The following ZC3H13 variants were observed in gnomAD, a reference collection of about 807,000 sequenced individuals.
ZC3H13 encodes zinc finger CCCH-type containing 13, also known as zinc finger CCCH domain-containing protein 13.
Under a neutral mutation model 204.1 loss-of-function variants are expected in ZC3H13, and 64 were observed. The ratio of observed to expected loss-of-function variants is 0.31; its 90% CI spans 0.26 to 0.39. The LOEUF is 0.39. ZC3H13 is among the 10% of genes least tolerant of loss of function. The pLI is 1.00. For synonymous variants in ZC3H13, 667 were observed against 693.7 expected (o/e 0.96, Z 0.60); for missense variants, 1,833 against 2,082.7 (o/e 0.88, Z 2.33).
intron 16 of ZC3H13, among the ~76,000 whole-genome samples, chr13:45,964,427 AT>A (rs1455217338): frequency 6.6e-6 from 1 of 152,238 alleles, no homozygotes; most frequent in African/African-American, 2.4e-5. Context: ...GCACACATAC[AT>A]TTTAATTTTT....
intron 12 of ZC3H13, among the ~76,000 whole-genome samples, chr13:45,973,081 A>G (rs1188024073): frequency 1.3e-5 from 2 of 152,258 alleles, no homozygotes; most frequent in African/African-American, 4.8e-5. Flanking sequence ...GCCAATCCAC[A>G]GAATCATGAG....
intron 8 of ZC3H13, among the ~76,000 whole-genome samples, chr13:45,996,748 CAA>C (rs79022953): frequency 1.6e-4 from 8 of 50,530 alleles, no homozygotes; most frequent in Admixed American, 2.0e-4. Flanking sequence ...TGAATATGTA[CAA>C]AAAAAAAAAA....
At chr13:45,988,112 T>C (rs1027414595) in intron 9 of ZC3H13, among the ~76,000 whole-genome samples, 2 of 152,174 alleles carry the variant, frequency 1.3e-5, no homozygotes, top group Admixed American at 1.3e-4. Context: ...AACTACGCTC[T>C]CTGATTTGTT....
intron 8 of ZC3H13, among the ~76,000 whole-genome samples, chr13:46,002,572 C>T (rs2040827623): frequency 6.6e-6 from 1 of 152,100 alleles, no homozygotes; most frequent in African/African-American, 2.4e-5. Context: ...TACATACAAT[C>T]AAATATTATT....
Position 46,045,184 on chromosome 13 carries a change from C to A in ZC3H13, c.118-120G>T. 6.4e-6 allele frequency: 6 copies of A among 937,274 alleles called. No homozygotes were observed. In the Admixed American group the frequency reaches 1.1e-4, roughly 18 times the overall value. The allele number at this position is 937,274 out of a possible 1,614,324, so 58.1% of individuals were successfully genotyped here. A position where few individuals can be genotyped will look rare whatever the true frequency, so the allele number is the denominator to read the frequency against. ...CAGCTAACCTGTGATATATTACTCC[C>A]CAAATAATAAAAACTTCAGGAAAAA... On this transcript the variant is annotated intron_variant, in intron 2 of 18. Transcript: ENST00000679008.
chr13:45,976,323 T>C, intron 11 of ZC3H13: 1 of 900,330 alleles, frequency 1.1e-6, no homozygotes, highest in East Asian at 1.2e-4. Flanking sequence ...GGCCAAAATA[T>C]ATACACATCA....
intron 9 of ZC3H13, among the ~76,000 whole-genome samples, chr13:45,987,966 T>A (rs2039670034): frequency 6.6e-6 from 1 of 152,194 alleles, no homozygotes; most frequent in South Asian, 2.1e-4. Context: ...AACTTAATTC[T>A]CAGGGATCTA....
chr13:46,016,737 C>A (rs2041930297), intron 5 of ZC3H13, among the ~76,000 whole-genome samples: 1 of 152,180 alleles, frequency 6.6e-6, no homozygotes, highest in South Asian at 2.1e-4. Flanking sequence ...TAGTATACTT[C>A]AGTAGAAAAA....
intron 10 of ZC3H13, among the ~76,000 whole-genome samples, chr13:45,985,009 G>A (rs761655838): frequency 7.9e-5 from 12 of 152,116 alleles, no homozygotes; most frequent in Non-Finnish European, 8.8e-5. Context: ...CAACTTCCTC[G>A]TGATTCTACT....
chr13:45,965,170 A>C lies in ZC3H13; in HGVS notation c.4474+110T>G. The C allele has an allele frequency of 2.2e-6, 3 of 1,352,706 alleles. No individual in the cohort carries two copies. In the East Asian group the frequency reaches 7.9e-5, roughly 35 times the overall value. 83.8% of individuals were successfully genotyped at this position (1,352,706 alleles called of 1,614,324 possible). ...CTTTCAACCTTAAGTAAAATGTAAAAGGAAAAATTCTAAGTGTCTTAGGTC... is the reference window on the plus strand; with the variant it reads ...CTTTCAACCTTAAGTAAAATGTAAACGGAAAAATTCTAAGTGTCTTAGGTC... On this transcript the variant is annotated intron_variant, in intron 16 of 18. Transcript: ENST00000679008.
At chr13:45,976,290 C>T (rs1219731261) in intron 11 of ZC3H13, 9 of 984,588 alleles carry the variant, frequency 9.1e-6, no homozygotes, top group African/African-American at 1.8e-5. Flanking sequence ...AAATTTCCCT[C>T]GTAAGTCACA....
intron 11 of ZC3H13, among the ~76,000 whole-genome samples, chr13:45,978,023 T>C (rs1953210845): frequency 1.3e-5 from 2 of 152,126 alleles, no homozygotes. Flanking sequence ...CACATGTTTC[T>C]TTCAGTTCTG....
chr13:45,985,468 G>A lies in ZC3H13; in HGVS notation c.1549C>T (p.Arg517Ter). 1 of 1,614,074 alleles carries A rather than the reference G, an allele frequency of 6.2e-7. No homozygotes were observed. The highest frequency in any genetic ancestry group is 8.5e-7 in the Non-Finnish European group (1 of 1,180,014). The change falls in exon 10 of 19, where the codon CGA becomes TGA. Residue 517 changes from arginine to a stop codon, truncating the protein, a stop_gained. Transcript: ENST00000679008. LOFTEE classifies it high-confidence loss of function. Reference sequence around the variant, plus strand: ...TCTTCTGGATATGTATCCTCCTTTCGATGAGTATCTCGACCTTCACGGTCC... The same window carrying A: ...TCTTCTGGATATGTATCCTCCTTTCAATGAGTATCTCGACCTTCACGGTCC... ...YRDREGRDTH[R>*]KEDTYPEESR... is the part of the protein sequence containing the mutation.
intron 12 of ZC3H13, among the ~76,000 whole-genome samples, chr13:45,972,301 T>C (rs1421191664): frequency 2.0e-5 from 3 of 152,014 alleles, no homozygotes; most frequent in Non-Finnish European, 4.4e-5. Flanking sequence ...ATATACACCA[T>C]GAAACCATGG....
chr13:45,996,748 C>CAA (rs79022953), intron 8 of ZC3H13, among the ~76,000 whole-genome samples: 13 of 50,484 alleles, frequency 2.6e-4, no homozygotes, highest in African/African-American at 5.3e-4. Flanking sequence ...TGAATATGTA[C>CAA]AAAAAAAAAA....
intron 7 of ZC3H13, among the ~76,000 whole-genome samples, chr13:46,008,496 T>C (rs114633561): frequency 0.011 from 1,655 of 152,220 alleles, 28 homozygotes; most frequent in African/African-American, 0.037. Flanking sequence ...TGATTATTCA[T>C]GACAAATATT....
chr13:46,023,240 G>A (rs182390501), intron 4 of ZC3H13, among the ~76,000 whole-genome samples: 1 of 152,232 alleles, frequency 6.6e-6, no homozygotes, highest in East Asian at 1.9e-4. Context: ...TCTATTACAA[G>A]ACTCTTGGGG....
In ZC3H13 at chr13:46,045,472, A is replaced by G. The variant is rs1461573693; in HGVS notation, c.36T>C (p.Asn12=). The G allele has an allele frequency of 2.5e-6, 4 of 1,613,966 alleles. No individual in the cohort carries two copies. The East Asian group carries it at 8.9e-5, about 36-fold the overall frequency. ...ATGTGCTATCAGATATAGTCTTGGTATTTTCCACTGTGACCTTCCTTCTAA... is the reference window on the plus strand; with the variant it reads ...ATGTGCTATCAGATATAGTCTTGGTGTTTTCCACTGTGACCTTCCTTCTAA... ...SKIRRKVTVE[N]TKTISDSTSR... The change falls in exon 2 of 19, where the codon AAT becomes AAC. Residue 12 remains asparagine, a synonymous_variant. Transcript: ENST00000679008.
In ZC3H13 at chr13:46,017,821, T is replaced by TAA. The variant is rs140225785; in HGVS notation, c.448+2626_448+2627dup. 8.5e-3 allele frequency among the ~76,000 whole-genome samples: 1,299 copies of TAA among 152,210 alleles called. 18 individuals are homozygous for TAA. Among genetic ancestry groups the TAA allele is most frequent in the African/African-American group, 0.029 (1,219 of 41,546 alleles). ...CTCACTATCCAGGGAGTGGGGCACT[T>TAA]AACTCAATGCTTCAATATTCCCTCA... On this transcript the variant is annotated intron_variant, in intron 5 of 18. Transcript: ENST00000679008.
Sources: gnomAD v4.1 joint callset for allele counts (sites outside exome capture counted in the v4.1 genomes callset) on GRCh38, gnomAD v4.1.1 for gene constraint, MANE v1.5 for transcripts, NCBI Gene and HGNC (gene_info 2026-07-23, HGNC 2026-07-21) for gene names.